Variants in ZNF780A observed in about 807,000 individuals in gnomAD.
The protein encoded by ZNF780A is zinc finger protein 780A.
Under a neutral mutation model 56.7 loss-of-function variants are expected in ZNF780A, and 40 were observed. That is an observed-to-expected ratio of 0.71 (90% CI 0.55 to 0.92). The LOEUF (loss-of-function observed/expected upper bound fraction) is 0.92, where lower values mean the gene tolerates loss of function less well. ZNF780A is among the 40% of genes least tolerant of loss of function. The probability of loss-of-function intolerance (pLI) is 0.00; values close to 1 mark genes in which losing one functional copy is unlikely to be tolerated. For missense variants in ZNF780A, 672 were observed against 783.3 expected, an observed-to-expected ratio of 0.86 and a Z score of 1.70; for synonymous variants, 231 against 248.3, an observed-to-expected ratio of 0.93 and a Z score of 0.66.
At chr19:40,079,285 G>A (rs572521670) in intron 5 of ZNF780A, among the ~76,000 whole-genome samples, 86 of 152,110 alleles carry the variant, frequency 5.7e-4, no homozygotes, top group East Asian at 1.2e-3. Flanking sequence ...TTCAGCAAGC[G>A]GATATAACAA....
intron 2 of ZNF780A, among the ~76,000 whole-genome samples, chr19:40,086,993 G>A (rs983252730): frequency 1.4e-4 from 21 of 152,076 alleles, no homozygotes; most frequent in African/African-American, 3.6e-4. Context: ...GTGAGCCACC[G>A]CGCCCCGCCC....
rs1363500306 is a variant in ZNF780A, at chr19:40,090,200, T to C, written c.-80A>G. On this transcript the variant is annotated 5_prime_UTR_variant, in exon 2 of 6. It removes an upstream start codon present in the reference 5' UTR. Transcript: ENST00000683561. ...TAGGTGTGCAGCAGTAACGCTCTCA[T>C]CCTCCTCCAGGTCCTTCTTTTGGAT... The C allele has an allele frequency of 6.6e-6, 1 of 152,158 alleles. No homozygotes were observed. Among genetic ancestry groups the C allele is most frequent in the African/African-American group, 2.4e-5 (1 of 41,416 alleles). 9.4% of individuals were successfully genotyped at this position (152,158 alleles called of 1,614,324 possible). A position where few individuals can be genotyped will look rare whatever the true frequency, so the allele number is the denominator to read the frequency against.
chr19:40,080,549 T>C (rs1299705201), intron 5 of ZNF780A, among the ~76,000 whole-genome samples: 5 of 152,066 alleles, frequency 3.3e-5, no homozygotes, highest in African/African-American at 1.2e-4. Context: ...TTGGATGCCA[T>C]TATCCTAAGC....
chr19:40,080,811 C>A lies in ZNF780A; in HGVS notation c.232+1008G>T, dbSNP rs545279837. Reference sequence around the variant, plus strand: ...CCATATAAAAAACCCACTTATGTACCCCTTGGACCTAAAATAAAAGTTGGA... The same window carrying A: ...CCATATAAAAAACCCACTTATGTACACCTTGGACCTAAAATAAAAGTTGGA... On this transcript the variant is annotated intron_variant, in intron 5 of 5. Coordinates refer to ENST00000683561, the MANE Select transcript of ZNF780A (RefSeq NM_001142578.2). 2.6e-5 allele frequency among the ~76,000 whole-genome samples: 4 copies of A among 152,080 alleles called. No homozygotes were observed. The South Asian group carries it at 8.3e-4, about 32-fold the overall frequency.
chr19:40,090,740 GCA>G, intron 1 of ZNF780A, 164 bp downstream of exon 1: 1 of 152,590 alleles, frequency 6.6e-6, no homozygotes, highest in Non-Finnish European at 1.5e-5. Context: ...TGATACCCGC[GCA>G]CACACACGCC....
In ZNF780A at chr19:40,075,729, C is replaced by T. The variant is rs778822155; in HGVS notation, c.713G>A (p.Arg238His). Reference protein sequence around the residue: ...KAFSLLTLLNRHKNIHTGEKL... With the variant: ...KAFSLLTLLNHHKNIHTGEKL... ...CTCACCTGTGTGAATGTTCTTATGG[C>T]GATTAAGCAGGGTAAGAAGACTAAA... is the stretch of plus-strand genomic sequence containing the variant. Residue 238 changes from arginine (R) to histidine (H), a missense_variant, in exon 6 of 6, where the codon CGC becomes CAC. Physicochemically the swap from Arg to His is conservative, Grantham distance 29 (BLOSUM62 0). Transcript: ENST00000683561. 6 of 1,613,888 alleles carry T rather than the reference C, an allele frequency of 3.7e-6. No homozygotes were observed. Among genetic ancestry groups the T allele is most frequent in the East Asian group, 2.2e-5 (1 of 44,864 alleles).
chr19:40,073,090 G>A lies in ZNF780A; in HGVS notation c.*1426C>T, dbSNP rs376503341. 40 of 1,326,636 alleles carry A rather than the reference G, an allele frequency of 3.0e-5. 1 individual carries two copies. Among genetic ancestry groups the A allele is most frequent in the African/African-American group, 1.7e-4 (11 of 66,038 alleles). The allele number at this position is 1,326,636 out of a possible 1,614,324, so 82.2% of individuals were successfully genotyped here. ...GTCTTCATGTTTGGTTGATACACACGTTGATTAAATAAAGGGTAAAGTGTC... is the reference window on the plus strand; with the variant it reads ...GTCTTCATGTTTGGTTGATACACACATTGATTAAATAAAGGGTAAAGTGTC... On this transcript the variant is annotated 3_prime_UTR_variant, in exon 6 of 6. Transcript: ENST00000683561.
chr19:40,074,064 C>T lies in ZNF780A; in HGVS notation c.*452G>A. On this transcript the variant is annotated 3_prime_UTR_variant, in exon 6 of 6. Transcript: ENST00000683561. The stretch of plus-strand genomic sequence containing the variant: ...TCTTTGATGTGCAGTCAGGACCAAA[C>T]TAAATCTGAAAGTTTTCCCACACTC... The T allele has an allele frequency of 8.0e-7, 1 of 1,254,094 alleles. No individual in the cohort carries two copies. The highest frequency in any genetic ancestry group is 1.0e-6 in the Non-Finnish European group (1 of 979,310). The allele number at this position is 1,254,094 out of a possible 1,614,324, so 77.7% of individuals were successfully genotyped here. A position where few individuals can be genotyped will look rare whatever the true frequency, so the allele number is the denominator to read the frequency against.
intron 2 of ZNF780A, among the ~76,000 whole-genome samples, chr19:40,088,914 A>C (rs1421860128): frequency 6.6e-6 from 1 of 152,228 alleles, no homozygotes; most frequent in Non-Finnish European, 1.5e-5. Context: ...CCAAGCACAG[A>C]AAGACATATG....
chr19:40,075,577 C>T lies in ZNF780A; in HGVS notation c.865G>A (p.Gly289Ser), dbSNP rs140726997. 4.6e-4 allele frequency: 735 copies of T among 1,612,392 alleles called. No homozygotes were observed. The highest frequency in any genetic ancestry group is 5.8e-4 in the Non-Finnish European group (683 of 1,179,562). The change falls in exon 6 of 6, where the codon GGT becomes AGT. Residue 289 changes from glycine (G) to serine (S), a missense_variant. By Grantham distance (56) the Gly-to-Ser change is moderately conservative. Transcript: ENST00000683561. ...TTCTGATGCTGAATAAGGTGTGCAC[C>T]ACGATTAAAGCCTTTCCCACACTCC... ...CKECGKGFNR[G>S]AHLIQHQKIH...
At chr19:40,089,610 C>G (rs1282583699) in intron 2 of ZNF780A, among the ~76,000 whole-genome samples, 2 of 146,296 alleles carry the variant, frequency 1.4e-5, no homozygotes, top group African/African-American at 5.4e-5. Context: ...TGTACTGCCT[C>G]TCACAGTACA....
chr19:40,089,690 G>A (rs989905379), intron 2 of ZNF780A, among the ~76,000 whole-genome samples: 3 of 151,946 alleles, frequency 2.0e-5, no homozygotes, highest in Non-Finnish European at 4.4e-5. Context: ...AAACCTCAGA[G>A]AGATCTGGCA....
Position 40,074,228 on chromosome 19 carries a change from T to C in ZNF780A, c.*288A>G. 1 of 1,437,154 alleles carries C rather than the reference T, an allele frequency of 7.0e-7. No individual in the cohort carries two copies. The highest frequency in any genetic ancestry group is 9.2e-7 in the Non-Finnish European group (1 of 1,087,624). The allele number at this position is 1,437,154 out of a possible 1,614,324, so 89.0% of individuals were successfully genotyped here. On this transcript the variant is annotated 3_prime_UTR_variant, in exon 6 of 6. Coordinates refer to ENST00000683561, the MANE Select transcript of ZNF780A (RefSeq NM_001142578.2). ...GAATGACCTGAAGTCCAGCAAGCTG[T>C]GTCAGAAAACTGAAGGCCTTTCCAC...
rs12151011 is a variant in ZNF780A at position 40,084,156 on chromosome 19, A to G, written c.9+589T>C. Among the ~76,000 whole-genome samples, 1,013 of 151,696 alleles carry G rather than the reference A, an allele frequency of 6.7e-3. 5 individuals are homozygous for G. Among genetic ancestry groups the G allele is most frequent in the Non-Finnish European group, 0.012 (792 of 67,882 alleles). On this transcript the variant is annotated intron_variant, in intron 3 of 5. Coordinates refer to ENST00000683561, the MANE Select transcript of ZNF780A (RefSeq NM_001142578.2). ...CCTGACCTCAAGTGATCCACCACCCACCTCGGCCTCCCAAAGTGCTGGGAT... is the reference window on the plus strand; with the variant it reads ...CCTGACCTCAAGTGATCCACCACCCGCCTCGGCCTCCCAAAGTGCTGGGAT...
At chr19:40,088,040 T>C (rs150546325) in intron 2 of ZNF780A, among the ~76,000 whole-genome samples, 1 of 152,216 alleles carries the variant, frequency 6.6e-6, no homozygotes, top group East Asian at 1.9e-4. Flanking sequence ...AAATGTAAGA[T>C]CCTAAACTAT....
rs567613229 is a variant in ZNF780A at position 40,086,095 on chromosome 19, A to G, written c.-45-1297T>C. On this transcript the variant is annotated intron_variant, in intron 2 of 5. Coordinates refer to ENST00000683561, the MANE Select transcript of ZNF780A (RefSeq NM_001142578.2). ...AGGAAACTTCTCCAAATTAGATGAA[A>G]GACACTTTTTATTTAGATATCTCCC... 2.4e-3 allele frequency among the ~76,000 whole-genome samples: 371 copies of G among 152,176 alleles called. 1 individual carries two copies. Among genetic ancestry groups the G allele is most frequent in the Non-Finnish European group, 4.1e-3 (280 of 67,998 alleles).
intron 5 of ZNF780A, among the ~76,000 whole-genome samples, chr19:40,077,602 G>C (rs1184248648): frequency 6.6e-6 from 1 of 151,718 alleles, no homozygotes; most frequent in African/African-American, 2.4e-5. Context: ...AGATTTAGAG[G>C]GGAAAATATC....
At chr19:40,081,213 G>GA (rs36028897) in intron 5 of ZNF780A, among the ~76,000 whole-genome samples, 139 of 143,046 alleles carry the variant, frequency 9.7e-4, no homozygotes, top group Middle Eastern at 3.6e-3. Context: ...CAAATAACAG[G>GA]AAAAAAAAAA....
Position 40,088,400 on chromosome 19 carries a change from T to C in ZNF780A, c.-46+1766A>G, listed in dbSNP as rs1236893169. The stretch of plus-strand genomic sequence containing the variant: ...AGACATATAAATGGCCAACAGTTTA[T>C]GAAAAAATACTCAACATCACTAATC... On this transcript the variant is annotated intron_variant, in intron 2 of 5. Transcript: ENST00000683561. 2.6e-5 allele frequency among the ~76,000 whole-genome samples: 4 copies of C among 152,090 alleles called. No individual in the cohort carries two copies. In the South Asian group the frequency reaches 6.2e-4, roughly 24 times the overall value.
Sources: allele counts gnomAD v4.1 joint callset (sites outside exome capture counted in the v4.1 genomes callset), GRCh38; gene constraint gnomAD v4.1.1; transcripts MANE v1.5; gene names NCBI Gene and HGNC (gene_info 2026-07-23, HGNC 2026-07-21).